IPCEF1: variants seen among roughly 807,000 people sequenced by gnomAD.
IPCEF1 encodes the protein interactor protein for cytohesin exchange factors 1.
In IPCEF1, 31 loss-of-function variants were observed where a neutral mutation model predicts 50.9. The ratio of observed to expected loss-of-function variants is 0.61; its 90% confidence interval spans 0.46 to 0.82. The LOEUF is 0.82. Among genes scored for constraint, IPCEF1 ranks in the 40% least tolerant of loss-of-function variants. The pLI, the probability that IPCEF1 is intolerant of heterozygous loss-of-function variation, is 0.00. For synonymous variants in IPCEF1, 181 were observed against 192.0 expected (o/e 0.94, Z 0.47); for missense variants, 458 against 514.0 (o/e 0.89, Z 1.05).
At chr6:154,289,087 T>C (rs914988029) in intron 2 of IPCEF1, among the ~76,000 whole-genome samples, 8 of 152,010 alleles carry the variant, frequency 5.3e-5, no homozygotes, top group Non-Finnish European at 1.0e-4. Context: ...AAATAAAAGA[T>C]GTATACCTCA....
At chr6:154,164,324 G>T (rs558038768) in intron 11 of IPCEF1, among the ~76,000 whole-genome samples, 1 of 152,216 alleles carries the variant, frequency 6.6e-6, no homozygotes, top group South Asian at 2.1e-4. Flanking sequence ...TTGGCTCTAA[G>T]TAGTTCAAAT....
chr6:154,212,747 A>C, intron 9 of IPCEF1, 23 bp downstream of exon 9: 1 of 1,507,636 alleles, frequency 6.6e-7, no homozygotes, highest in Non-Finnish European at 9.2e-7. Flanking sequence ...GATGACCAAC[A>C]GACTACTTAT....
intron 10 of IPCEF1, among the ~76,000 whole-genome samples, chr6:154,190,266 AC>A (rs1801754360): frequency 6.6e-6 from 1 of 152,150 alleles, no homozygotes; most frequent in South Asian, 2.1e-4. Context: ...TCAAAAGAAA[AC>A]AAAAAGCTAA....
Position 154,159,759 on chromosome 6 carries a change from G to A in IPCEF1, c.*69C>T. ...TTCAGTTTTCCTTTTAAGGAAAAAT[G>A]TAAGCTTTTGCAACATCTTGAAGAG... On this transcript the variant is annotated 3_prime_UTR_variant, in exon 12 of 12. Coordinates refer to ENST00000367220, the MANE Select transcript of IPCEF1 (RefSeq NM_001130700.2). The A allele has an allele frequency of 1.6e-6, 2 of 1,262,384 alleles. No homozygotes were observed. The highest frequency in any genetic ancestry group is 2.4e-5 in the East Asian group (1 of 42,512). The allele number at this position is 1,262,384 out of a possible 1,614,324, so 78.2% of individuals were successfully genotyped here. A position where few individuals can be genotyped will look rare whatever the true frequency, so the allele number is the denominator to read the frequency against.
intron 9 of IPCEF1, among the ~76,000 whole-genome samples, chr6:154,209,217 C>A (rs1777756468): frequency 6.6e-6 from 1 of 152,044 alleles, no homozygotes; most frequent in African/African-American, 2.4e-5. Context: ...TTCATTATCA[C>A]AAAATGGAAG....
intron 8 of IPCEF1, 116 bp from the exon 9 acceptor site, chr6:154,212,971 T>C: frequency 4.1e-6 from 3 of 735,030 alleles, no homozygotes; most frequent in Non-Finnish European, 4.7e-6. Flanking sequence ...TTCAGAAAGT[T>C]CATATCTAAT....
intron 3 of IPCEF1, among the ~76,000 whole-genome samples, chr6:154,254,764 A>G (rs1050947040): frequency 6.6e-6 from 1 of 152,168 alleles, no homozygotes; most frequent in African/African-American, 2.4e-5. Context: ...TTTCTTTTAT[A>G]AGGACCATAT....
At position 154,296,840 on chromosome 6, in the gene IPCEF1, A is replaced by G. The variant is rs564971027; in HGVS notation, c.-61-7084T>C. On this transcript the variant is annotated intron_variant, in intron 1 of 11. Coordinates refer to ENST00000367220, the MANE Select transcript of IPCEF1 (RefSeq NM_001130700.2). ...AGAGACTCCGTCTCAAAAAAAAAAA[A>G]AAAGAAAAAAAAAGAGAATATCATC... is the stretch of plus-strand genomic sequence containing the variant. 1.3e-4 allele frequency among the ~76,000 whole-genome samples: 19 copies of G among 149,692 alleles called. No individual in the cohort carries two copies. The South Asian group carries it at 3.7e-3, about 29-fold the overall frequency.
At chr6:154,317,546 C>A (rs1783252921) in intron 1 of IPCEF1, among the ~76,000 whole-genome samples, 1 of 37,094 alleles carries the variant, frequency 2.7e-5, no homozygotes, top group Non-Finnish European at 4.7e-5. Context: ...GAGACTCCAT[C>A]TCAAAAAAAA....
At position 154,246,672 on chromosome 6, in the gene IPCEF1, C is replaced by T; in HGVS notation, c.165G>A (p.Lys55=). ...TCCATTTGTTGCTTAGGAAACTTCC[C>T]TTTTCCTTTTTCTTATACAGCCACC... is the stretch of plus-strand genomic sequence containing the variant. ...CQGWLYKKKE[K]GSFLSNKWKK... The change falls in exon 5 of 12, where the codon AAG becomes AAA. Residue 55 remains lysine, a synonymous_variant. Transcript: ENST00000367220. 1 of 1,614,048 alleles carries T rather than the reference C, an allele frequency of 6.2e-7. No homozygotes were observed. The highest frequency in any genetic ancestry group is 8.5e-7 in the Non-Finnish European group (1 of 1,179,978).
At chr6:154,312,842 A>G (rs947867383) in intron 1 of IPCEF1, among the ~76,000 whole-genome samples, 21 of 152,128 alleles carry the variant, frequency 1.4e-4, no homozygotes, top group African/African-American at 5.1e-4. Flanking sequence ...CAATGTACAC[A>G]TATTTCAAAA....
At chr6:154,211,491 G>T (rs1397921886) in intron 9 of IPCEF1, among the ~76,000 whole-genome samples, 1 of 151,366 alleles carries the variant, frequency 6.6e-6, no homozygotes, top group Non-Finnish European at 1.5e-5. Flanking sequence ...GCACTCACTG[G>T]ACACTTGAGC....
At chr6:154,326,178 C>T (rs1783513392) in intron 1 of IPCEF1, among the ~76,000 whole-genome samples, 1 of 150,140 alleles carries the variant, frequency 6.7e-6, no homozygotes, top group East Asian at 1.9e-4. Flanking sequence ...GCCAAGATTG[C>T]ACCACTGCAT....
chr6:154,316,577 A>G (rs1783224726), intron 1 of IPCEF1, among the ~76,000 whole-genome samples: 2 of 152,262 alleles, frequency 1.3e-5, no homozygotes, highest in South Asian at 2.1e-4. Context: ...GATTGAAGTC[A>G]TAGATGCAAA....
At chr6:154,172,760 T>G (rs942622823) in intron 10 of IPCEF1, among the ~76,000 whole-genome samples, 1 of 152,226 alleles carries the variant, frequency 6.6e-6, no homozygotes, top group Non-Finnish European at 1.5e-5. Context: ...AGCAGACAAC[T>G]TCTGCAGATT....
At chr6:154,216,447 T>C (rs931538070) in intron 7 of IPCEF1, among the ~76,000 whole-genome samples, 8 of 143,126 alleles carry the variant, frequency 5.6e-5, no homozygotes, top group Non-Finnish European at 4.7e-5. Context: ...CCTAATATAC[T>C]CTTAATTGAG....
At chr6:154,193,018 A>G (rs1205140765) in intron 10 of IPCEF1, among the ~76,000 whole-genome samples, 2 of 152,170 alleles carry the variant, frequency 1.3e-5, no homozygotes, top group South Asian at 4.1e-4. Flanking sequence ...CCACTACTGG[A>G]TATCTACTCA....
At position 154,170,870 on chromosome 6, in the gene IPCEF1, T is replaced by C. The variant is rs73567106; in HGVS notation, c.911-2757A>G. Among the ~76,000 whole-genome samples, 232 of 152,280 alleles carry C rather than the reference T, an allele frequency of 1.5e-3. 1 individual carries two copies. Among genetic ancestry groups the C allele is most frequent in the African/African-American group, 5.5e-3 (227 of 41,562 alleles). On this transcript the variant is annotated intron_variant, in intron 10 of 11. Coordinates refer to ENST00000367220, the MANE Select transcript of IPCEF1 (RefSeq NM_001130700.2). Reference sequence around the variant, plus strand: ...ATGTAAAACAGAGCTGCTACTTTTATTTTATTGTTTATTTTTTAAAGACAG... The same window carrying C: ...ATGTAAAACAGAGCTGCTACTTTTACTTTATTGTTTATTTTTTAAAGACAG...
chr6:154,288,528 C>T (rs997135867), intron 2 of IPCEF1, among the ~76,000 whole-genome samples: 10 of 151,814 alleles, frequency 6.6e-5, no homozygotes, highest in Non-Finnish European at 1.3e-4. Context: ...CCCGGTGTGG[C>T]GGCAGGCGCT....
Sources: gnomAD v4.1 joint callset for allele counts (sites outside exome capture counted in the v4.1 genomes callset) on GRCh38, gnomAD v4.1.1 for gene constraint, MANE v1.5 for transcripts, NCBI Gene and HGNC (gene_info 2026-07-23, HGNC 2026-07-21) for gene names.